Variants in MAP3K5 observed in about 807,000 individuals in gnomAD.
MAP3K5 encodes the protein ASK-1.
A neutral mutation model predicts 158.7 loss-of-function variants in MAP3K5; 56 were observed. The observed-to-expected ratio is 0.35, with a 90% confidence interval of 0.28 to 0.44. MAP3K5 has a LOEUF of 0.44. Among genes scored for constraint, MAP3K5 ranks in the 20% least tolerant of loss-of-function variants. The pLI is 1.00. For synonymous variants in MAP3K5, 579 were observed against 601.7 expected, an observed-to-expected ratio of 0.96 and a Z score of 0.55; for missense variants, 1,294 against 1,674.8, an observed-to-expected ratio of 0.77 and a Z score of 3.97.
intron 7 of MAP3K5, among the ~76,000 whole-genome samples, chr6:136,683,960 G>T (rs1317030872): frequency 6.6e-6 from 1 of 152,144 alleles, no homozygotes; most frequent in African/African-American, 2.4e-5. Flanking sequence ...GACCAGGTGT[G>T]GTGGCTCCCA....
chr6:136,721,274 C>G (rs967845141), intron 1 of MAP3K5, among the ~76,000 whole-genome samples: 1 of 144,330 alleles, frequency 6.9e-6, no homozygotes, highest in Non-Finnish European at 1.5e-5. Context: ...ATATATAAAA[C>G]GAGATTTTTA....
intron 7 of MAP3K5, among the ~76,000 whole-genome samples, chr6:136,686,409 G>A (rs1293452475): frequency 6.6e-6 from 1 of 152,172 alleles, no homozygotes; most frequent in African/African-American, 2.4e-5. Flanking sequence ...CATAGTATTG[G>A]AAGTTACGGC....
chr6:136,787,190 C>T (rs1784888874), intron 1 of MAP3K5, among the ~76,000 whole-genome samples: 1 of 152,112 alleles, frequency 6.6e-6, no homozygotes, highest in Non-Finnish European at 1.5e-5. Context: ...TAGCGAGACC[C>T]CATTCTCCAC....
At position 136,687,516 on chromosome 6, in the gene MAP3K5, A is replaced by G. The variant is rs1780201035; in HGVS notation, c.1253+6624T>C. 2.0e-5 allele frequency among the ~76,000 whole-genome samples: 3 copies of G among 152,228 alleles called. No homozygotes were observed. The South Asian group carries it at 6.2e-4, about 32-fold the overall frequency. On this transcript the variant is annotated intron_variant, in intron 7 of 29. Transcript: ENST00000359015. ...TACAGAATGGGAGAAAATTTTTGCT[A>G]TCTATCCATTTGACAAAGGGCTAAT...
At chr6:136,660,437 A>G (rs1778957124) in intron 8 of MAP3K5, among the ~76,000 whole-genome samples, 1 of 152,072 alleles carries the variant, frequency 6.6e-6, no homozygotes, top group Middle Eastern at 3.2e-3. Flanking sequence ...AAAAAAAGGA[A>G]CTAGACTGAC....
intron 25 of MAP3K5, 82 bp from the exon 26 acceptor site, chr6:136,567,956 T>TG: frequency 7.1e-7 from 1 of 1,402,360 alleles, no homozygotes; most frequent in East Asian, 2.3e-5. Context: ...GCTACCCTCC[T>TG]GCCCCACCGT....
chr6:136,631,337 C>T (rs1414625050), intron 14 of MAP3K5, among the ~76,000 whole-genome samples: 2 of 151,974 alleles, frequency 1.3e-5, no homozygotes, highest in Non-Finnish European at 2.9e-5. Flanking sequence ...CATATCTGCA[C>T]AAAAATAGAA....
intron 2 of MAP3K5, among the ~76,000 whole-genome samples, chr6:136,713,355 G>GAGGGTGGTTAAAGAGGTATC (rs1781392892): frequency 6.6e-6 from 1 of 152,226 alleles, no homozygotes; most frequent in Non-Finnish European, 1.5e-5. Flanking sequence ...GGCAAGGAGT[G>GAGGGTGGTTAAAGAGGTATC]AGGGTGGTTA....
At chr6:136,573,908 A>G (rs527510657) in intron 25 of MAP3K5, among the ~76,000 whole-genome samples, 1 of 151,808 alleles carries the variant, frequency 6.6e-6, no homozygotes, top group East Asian at 1.9e-4. Flanking sequence ...GAAAATAACT[A>G]GACCAAGTTT....
chr6:136,698,202 T>G (rs1780688954), intron 4 of MAP3K5, among the ~76,000 whole-genome samples: 1 of 152,222 alleles, frequency 6.6e-6, no homozygotes, highest in Non-Finnish European at 1.5e-5. Flanking sequence ...TCCCTGGACA[T>G]TTATCCTGGT....
At chr6:136,589,183 T>C (rs1406553831) in intron 23 of MAP3K5, among the ~76,000 whole-genome samples, 1 of 152,168 alleles carries the variant, frequency 6.6e-6, no homozygotes, top group Non-Finnish European at 1.5e-5. Context: ...TGAGAACAGG[T>C]AAACTGTTGT....
At chr6:136,668,718 G>A (rs1246014643) in intron 8 of MAP3K5, among the ~76,000 whole-genome samples, 3 of 152,150 alleles carry the variant, frequency 2.0e-5, no homozygotes, top group African/African-American at 7.2e-5. Context: ...AATGTCTACA[G>A]ATAAAAGGGA....
intron 1 of MAP3K5, among the ~76,000 whole-genome samples, chr6:136,740,808 A>G (rs1782676896): frequency 6.6e-6 from 1 of 152,196 alleles, no homozygotes; most frequent in South Asian, 2.1e-4. Context: ...CTGTCATCAT[A>G]AATAAACCAG....
Position 136,629,749 on chromosome 6 carries a change from C to T in MAP3K5, c.2017-6768G>A, listed in dbSNP as rs796219372. Among the ~76,000 whole-genome samples, 26 of 149,830 alleles carry T rather than the reference C, an allele frequency of 1.7e-4. 1 individual carries two copies. Among genetic ancestry groups the T allele is most frequent in the African/African-American group, 5.4e-4 (22 of 40,518 alleles). ...GATTACAGGTGTGAGCCATGGCGCC[C>T]GGCCATATCTCACCTTCATTTATTT... On this transcript the variant is annotated intron_variant, in intron 14 of 29. Coordinates refer to ENST00000359015, the MANE Select transcript of MAP3K5 (RefSeq NM_005923.4).
intron 1 of MAP3K5, among the ~76,000 whole-genome samples, chr6:136,724,412 T>TA (rs1337141011): frequency 6.6e-6 from 1 of 152,046 alleles, no homozygotes; most frequent in Non-Finnish European, 1.5e-5. Context: ...CACATCCAGC[T>TA]AATTTTTGTA....
At chr6:136,567,983 C>G in intron 25 of MAP3K5, 109 bp from the exon 26 acceptor site, 6 of 1,217,146 alleles carry the variant, frequency 4.9e-6, no homozygotes, top group Non-Finnish European at 5.7e-6. Flanking sequence ...GATATATATT[C>G]CAAACTGCTT....
chr6:136,789,443 CAGGG>C (rs980330874), intron 1 of MAP3K5, among the ~76,000 whole-genome samples: 1 of 152,114 alleles, frequency 6.6e-6, no homozygotes, highest in Non-Finnish European at 1.5e-5. Flanking sequence ...TCCAGATGGG[CAGGG>C]GTTAAACTGA....
At chr6:136,699,113 C>T (rs1346161221) in intron 3 of MAP3K5, among the ~76,000 whole-genome samples, 1 of 152,090 alleles carries the variant, frequency 6.6e-6, no homozygotes, top group Non-Finnish European at 1.5e-5. Context: ...AAGTAGATCC[C>T]GCTCAAATCC....
intron 1 of MAP3K5, among the ~76,000 whole-genome samples, chr6:136,725,351 T>A (rs1219853984): frequency 1.3e-5 from 2 of 152,214 alleles, no homozygotes; most frequent in Non-Finnish European, 2.9e-5. Context: ...CTGTCCAACA[T>A]CTTTGTCAGC....
Sources: allele counts gnomAD v4.1 joint callset (sites outside exome capture counted in the v4.1 genomes callset), GRCh38; gene constraint gnomAD v4.1.1; transcripts MANE v1.5; gene names NCBI Gene and HGNC (gene_info 2026-07-23, HGNC 2026-07-21).